CNTNAP2: variants seen among roughly 807,000 people sequenced by gnomAD.
CNTNAP2 encodes contactin-associated protein-like 2.
CNTNAP2 carries 98 observed loss-of-function variants against 155.2 expected under a neutral mutation model. That is an observed-to-expected ratio of 0.63 (90% CI 0.54 to 0.75). CNTNAP2 has a LOEUF of 0.75. Ranked by LOEUF, CNTNAP2 falls within the 30% of genes least tolerant of loss-of-function variation. The pLI, the probability that CNTNAP2 is intolerant of heterozygous loss-of-function variation, is 0.00. For missense variants in CNTNAP2, 1,727 were observed against 1,688.1 expected, an observed-to-expected ratio of 1.02 and a Z score of -0.40; for synonymous variants, 651 against 631.2, an observed-to-expected ratio of 1.03 and a Z score of -0.47.
chr7:146,650,895 C>T (rs1799899432), intron 1 of CNTNAP2, among the ~76,000 whole-genome samples: 1 of 152,076 alleles, frequency 6.6e-6, no homozygotes, highest in Admixed American at 6.6e-5. Context: ...CTGGTAGGCA[C>T]CTGTATCGCA....
chr7:147,342,889 C>A (rs1399185948), intron 9 of CNTNAP2, among the ~76,000 whole-genome samples: 1 of 152,064 alleles, frequency 6.6e-6, no homozygotes, highest in Non-Finnish European at 1.5e-5. Context: ...AAATGAGCCC[C>A]TCCACTGTAT....
At chr7:148,368,875 A>G (rs1252052765) in intron 21 of CNTNAP2, among the ~76,000 whole-genome samples, 1 of 152,174 alleles carries the variant, frequency 6.6e-6, no homozygotes, top group Non-Finnish European at 1.5e-5. Flanking sequence ...GAGTCTATAG[A>G]TAACATCAGT....
chr7:147,243,671 G>T (rs1274623976), intron 8 of CNTNAP2, among the ~76,000 whole-genome samples: 4 of 152,066 alleles, frequency 2.6e-5, no homozygotes, highest in African/African-American at 9.7e-5. Flanking sequence ...AAAATTTGTG[G>T]ATAAAAATAT....
intron 1 of CNTNAP2, among the ~76,000 whole-genome samples, chr7:146,522,148 T>G (rs1410347976): frequency 6.6e-6 from 1 of 152,080 alleles, no homozygotes; most frequent in East Asian, 1.9e-4. Flanking sequence ...AAAAGGCAAT[T>G]TAATGAGATA....
intron 3 of CNTNAP2, among the ~76,000 whole-genome samples, chr7:146,899,402 C>T (rs542691689): frequency 2.0e-5 from 3 of 152,168 alleles, no homozygotes; most frequent in Admixed American, 6.6e-5. Context: ...GTGAGAGCCC[C>T]GAAACCTCTT....
In CNTNAP2 at chr7:147,904,380, G is replaced by C. The variant is rs116218213; in HGVS notation, c.2255+659G>C. Among the ~76,000 whole-genome samples, 991 of 152,296 alleles carry C rather than the reference G, an allele frequency of 6.5e-3. 15 individuals carry two copies. Among genetic ancestry groups the C allele is most frequent in the African/African-American group, 0.023 (945 of 41,568 alleles). ...CTGTGTCAGTAACAGATAAAGATAA[G>C]ATCAGCTGCCATTCTTTGTGAAAAA... On this transcript the variant is annotated intron_variant, in intron 14 of 23. Coordinates refer to ENST00000361727, the MANE Select transcript of CNTNAP2 (RefSeq NM_014141.6).
chr7:146,852,824 T>C (rs1328150178), intron 3 of CNTNAP2, among the ~76,000 whole-genome samples: 1 of 152,170 alleles, frequency 6.6e-6, no homozygotes, highest in Non-Finnish European at 1.5e-5. Context: ...AAGAAACACA[T>C]TCCCTCCACT....
intron 9 of CNTNAP2, among the ~76,000 whole-genome samples, chr7:147,394,401 C>G (rs1385630783): frequency 6.6e-6 from 1 of 151,854 alleles, no homozygotes; most frequent in Admixed American, 6.6e-5. Flanking sequence ...TCACTTTTAT[C>G]CATTTAATGG....
intron 20 of CNTNAP2, among the ~76,000 whole-genome samples, chr7:148,245,532 T>C (rs114118578): frequency 0.019 from 2,885 of 148,692 alleles, 76 homozygotes; most frequent in African/African-American, 0.066. Context: ...TTTTCTTTCT[T>C]CCCGAGATTG....
intron 8 of CNTNAP2, among the ~76,000 whole-genome samples, chr7:147,165,809 C>T (rs10260442): frequency 0.52 from 78,802 of 151,908 alleles, 21,138 homozygotes; most frequent in South Asian, 0.7. Flanking sequence ...TCTGAGTTCT[C>T]TGTTTTGTTC....
chr7:147,903,827 T>C, intron 14 of CNTNAP2, 106 bp downstream of exon 14: 1 of 1,393,396 alleles, frequency 7.2e-7, no homozygotes. Context: ...AATACGATAA[T>C]AGGGTAGAAA....
chr7:148,263,329 G>A (rs1796595277), intron 20 of CNTNAP2: 1 of 152,160 alleles, frequency 6.6e-6, no homozygotes, highest in Non-Finnish European at 1.5e-5. Flanking sequence ...AAGGCTAGGA[G>A]TGTTCATTAT....
intron 21 of CNTNAP2, among the ~76,000 whole-genome samples, chr7:148,380,975 C>G (rs1286114910): frequency 1.3e-5 from 2 of 152,244 alleles, no homozygotes; most frequent in Non-Finnish European, 2.9e-5. Flanking sequence ...ATGCTGAAAC[C>G]AGCCAGCCAC....
chr7:148,116,126 G>A (rs370083862), intron 15 of CNTNAP2, among the ~76,000 whole-genome samples: 2 of 149,682 alleles, frequency 1.3e-5, no homozygotes, highest in African/African-American at 4.9e-5. Context: ...GCCACAGAGC[G>A]AGACTCTGTC....
chr7:147,587,422 G>T (rs1322393494), intron 12 of CNTNAP2, among the ~76,000 whole-genome samples: 2 of 152,174 alleles, frequency 1.3e-5, no homozygotes, highest in Non-Finnish European at 2.9e-5. Context: ...AATTGACAGA[G>T]ACAAGAGAAT....
rs560396414 is a variant in CNTNAP2 at position 148,194,623 on chromosome 7, A to G, written c.3010+22145A>G. Among the ~76,000 whole-genome samples, 3 of 152,276 alleles carry G rather than the reference A, an allele frequency of 2.0e-5. No homozygotes were observed. The South Asian group carries it at 6.2e-4, about 32-fold the overall frequency. Reference sequence around the variant, plus strand: ...CCCAGGAAAGCCCATGGTGTAATTCAGTCTGAGTCTGAAGGCCTGGGAACA... The same window carrying G: ...CCCAGGAAAGCCCATGGTGTAATTCGGTCTGAGTCTGAAGGCCTGGGAACA... On this transcript the variant is annotated intron_variant, in intron 18 of 23. Coordinates refer to ENST00000361727, the MANE Select transcript of CNTNAP2 (RefSeq NM_014141.6).
chr7:146,740,564 C>T (rs1339257403), intron 1 of CNTNAP2, among the ~76,000 whole-genome samples: 1 of 152,098 alleles, frequency 6.6e-6, no homozygotes, highest in African/African-American at 2.4e-5. Flanking sequence ...ATTGCTTATT[C>T]CAATTTTTAT....
chr7:146,945,692 G>A (rs1331318327), intron 3 of CNTNAP2, among the ~76,000 whole-genome samples: 1 of 152,092 alleles, frequency 6.6e-6, no homozygotes, highest in East Asian at 1.9e-4. Flanking sequence ...ACTCGTTCTT[G>A]TCTCGAAGGG....
At chr7:147,236,423 T>A (rs1803805896) in intron 8 of CNTNAP2, among the ~76,000 whole-genome samples, 1 of 118,742 alleles carries the variant, frequency 8.4e-6, no homozygotes, top group African/African-American at 3.2e-5. Flanking sequence ...TTAAGCTTGT[T>A]TTTTTTTTTT....
Sources: gnomAD v4.1 joint callset for allele counts (sites outside exome capture counted in the v4.1 genomes callset) on GRCh38, gnomAD v4.1.1 for gene constraint, MANE v1.5 for transcripts, NCBI Gene and HGNC (gene_info 2026-07-23, HGNC 2026-07-21) for gene names.